MOXD1: variants seen among roughly 807,000 people sequenced by gnomAD.
The protein encoded by MOXD1 is monooxygenase DBH like 1.
Under a neutral mutation model 66.6 loss-of-function variants are expected in MOXD1, and 62 were observed. That is an observed-to-expected ratio of 0.93 (90% confidence interval 0.76 to 1.15). The LOEUF (loss-of-function observed/expected upper bound fraction) is 1.15. Ranked by LOEUF, MOXD1 falls within the 50% of genes most tolerant of loss-of-function variation. The pLI is 0.00. For synonymous variants in MOXD1, 303 were observed against 281.9 expected (o/e 1.07, Z -0.75); for missense variants, 847 against 754.6 (o/e 1.12, Z -1.44).
intron 10 of MOXD1, among the ~76,000 whole-genome samples, chr6:132,302,486 A>C (rs1400191318): frequency 2.0e-5 from 3 of 151,950 alleles, no homozygotes; most frequent in Non-Finnish European, 4.4e-5. Flanking sequence ...ACTTAAAAAA[A>C]CATATTATTA....
At chr6:132,356,019 A>G (rs4897577) in intron 4 of MOXD1, among the ~76,000 whole-genome samples, 63,974 of 152,082 alleles carry the variant, frequency 0.42, 19,116 homozygotes, top group African/African-American at 0.82. Flanking sequence ...CCTACAAAAA[A>G]TTCACAACAG....
rs976562315 is a variant in MOXD1, at chr6:132,326,545, G to C, written c.946+1468C>G. Among the ~76,000 whole-genome samples, 4 of 152,044 alleles carry C rather than the reference G, an allele frequency of 2.6e-5. No individual in the cohort carries two copies. The East Asian group carries it at 7.7e-4, about 29-fold the overall frequency. On this transcript the variant is annotated intron_variant, in intron 6 of 11. Transcript: ENST00000367963. The stretch of plus-strand genomic sequence containing the variant: ...TCAAAAATGTAAAAAATTTTTAAAA[G>C]TTGCAATATAAGACATATTCAATAA...
intron 4 of MOXD1, among the ~76,000 whole-genome samples, chr6:132,332,697 G>A (rs1460597122): frequency 6.6e-6 from 1 of 152,146 alleles, no homozygotes; most frequent in Non-Finnish European, 1.5e-5. Context: ...AATGCTTCAC[G>A]CCATGCTTAC....
intron 2 of MOXD1, 126 bp from the exon 3 acceptor site, chr6:132,373,123 G>A: frequency 1.1e-6 from 1 of 897,664 alleles, no homozygotes. Flanking sequence ...GACATTTGGA[G>A]TTATCAACAT....
At chr6:132,313,642 GGT>G (rs1334620465) in intron 10 of MOXD1, among the ~76,000 whole-genome samples, 2 of 152,154 alleles carry the variant, frequency 1.3e-5, no homozygotes, top group Non-Finnish European at 2.9e-5. Flanking sequence ...GGCTAGGCAT[GGT>G]GGTTCATGCC....
chr6:132,353,605 A>G (rs535834398), intron 4 of MOXD1, among the ~76,000 whole-genome samples: 4 of 152,112 alleles, frequency 2.6e-5, no homozygotes, highest in African/African-American at 9.6e-5. Flanking sequence ...TCTTTCCTTC[A>G]TCTTAACTTC....
intron 4 of MOXD1, among the ~76,000 whole-genome samples, chr6:132,348,532 A>G (rs1775714313): frequency 6.6e-6 from 1 of 152,202 alleles, no homozygotes; most frequent in African/African-American, 2.4e-5. Context: ...GCCTAAAATA[A>G]CTTTTGCAAT....
At chr6:132,316,498 A>G (rs1774962582) in intron 9 of MOXD1, among the ~76,000 whole-genome samples, 1 of 152,146 alleles carries the variant, frequency 6.6e-6, no homozygotes, top group Non-Finnish European at 1.5e-5. Flanking sequence ...TCAAGTAGTT[A>G]AAGGCAAATG....
chr6:132,336,148 A>C (rs1444700718), intron 4 of MOXD1, among the ~76,000 whole-genome samples: 1 of 152,232 alleles, frequency 6.6e-6, no homozygotes, highest in Admixed American at 6.5e-5. Flanking sequence ...GCAACTCGAT[A>C]AATTCAAAAC....
intron 1 of MOXD1, among the ~76,000 whole-genome samples, chr6:132,390,261 T>C (rs941571906): frequency 6.6e-6 from 1 of 151,596 alleles, no homozygotes; most frequent in African/African-American, 2.4e-5. Context: ...CTGAGTTCTT[T>C]GATGCCTATG....
rs535610872 is a variant in MOXD1 at position 132,343,002 on chromosome 6, G to A, written c.664-14408C>T. On this transcript the variant is annotated intron_variant, in intron 4 of 11. Coordinates refer to ENST00000367963, the MANE Select transcript of MOXD1 (RefSeq NM_015529.4). ...GGAACATAACTCCACATCACAGAAC[G>A]ACAAAGGAGACAGAACTATGCACTA... Among the ~76,000 whole-genome samples, 5 of 152,222 alleles carry A rather than the reference G, an allele frequency of 3.3e-5. No homozygotes were observed. The South Asian group carries it at 1.0e-3, about 32-fold the overall frequency.
At chr6:132,371,043 T>C (rs1163484504) in intron 4 of MOXD1, among the ~76,000 whole-genome samples, 1 of 152,118 alleles carries the variant, frequency 6.6e-6, no homozygotes, top group Non-Finnish European at 1.5e-5. Flanking sequence ...CAGTAAGTGG[T>C]TAAGAAATTT....
At chr6:132,297,665 T>A (rs1774439148) in intron 11 of MOXD1, 122 bp downstream of exon 11, 1 of 1,189,580 alleles carries the variant, frequency 8.4e-7, no homozygotes, top group Non-Finnish European at 1.2e-6. Flanking sequence ...ACAAAAATTA[T>A]CAGACATTAG....
chr6:132,370,378 G>A (rs1178408295), intron 4 of MOXD1, among the ~76,000 whole-genome samples: 3 of 152,026 alleles, frequency 2.0e-5, no homozygotes, highest in African/African-American at 7.2e-5. Context: ...GGTTTTGAAA[G>A]GCTGCCTTAA....
chr6:132,400,335 C>G (rs1262202318), intron 1 of MOXD1, among the ~76,000 whole-genome samples: 2 of 152,008 alleles, frequency 1.3e-5, no homozygotes, highest in East Asian at 3.9e-4. Context: ...GCCATCCAAA[C>G]GTTGGTCACG....
intron 4 of MOXD1, among the ~76,000 whole-genome samples, chr6:132,331,907 G>A (rs2114590679): frequency 6.6e-6 from 1 of 152,264 alleles, no homozygotes; most frequent in African/African-American, 2.4e-5. Context: ...GTTGCCGACA[G>A]CTGTCATCAA....
chr6:132,364,729 A>T (rs1776082447), intron 4 of MOXD1, among the ~76,000 whole-genome samples: 1 of 152,218 alleles, frequency 6.6e-6, no homozygotes, highest in African/African-American at 2.4e-5. Flanking sequence ...GCCAGTACTT[A>T]TTGAGCTATC....
At chr6:132,386,219 G>A (rs755945658) in intron 1 of MOXD1, among the ~76,000 whole-genome samples, 5 of 146,040 alleles carry the variant, frequency 3.4e-5, no homozygotes, top group Non-Finnish European at 7.4e-5. Flanking sequence ...TGGCTAACAC[G>A]GTGAAACCCC....
At chr6:132,339,610 T>C (rs1240307449) in intron 4 of MOXD1, among the ~76,000 whole-genome samples, 3 of 152,258 alleles carry the variant, frequency 2.0e-5, no homozygotes, top group Admixed American at 6.5e-5. Context: ...TGGCTAAGAA[T>C]GATCCCCAAC....
Sources: gnomAD v4.1 joint callset for allele counts (sites outside exome capture counted in the v4.1 genomes callset) on GRCh38, gnomAD v4.1.1 for gene constraint, MANE v1.5 for transcripts, NCBI Gene and HGNC (gene_info 2026-07-23, HGNC 2026-07-21) for gene names.